Variants in FRY observed in about 807,000 individuals in gnomAD.
FRY encodes the protein FRY microtubule binding protein.
FRY carries 128 observed loss-of-function variants against 348.4 expected under a neutral mutation model. The observed-to-expected ratio is 0.37, with a 90% CI of 0.32 to 0.43. The LOEUF (loss-of-function observed/expected upper bound fraction) is 0.43, where lower values mean the gene tolerates loss of function less well. Among genes scored for constraint, FRY ranks in the 20% least tolerant of loss-of-function variants. The pLI, the probability that FRY is intolerant of heterozygous loss-of-function variation, is 1.00. For synonymous variants in FRY, 1,370 were observed against 1,374.7 expected (o/e 1.00, Z 0.08); for missense variants, 2,736 against 3,695.2 (o/e 0.74, Z 6.73).
At chr13:32,065,619 TAG>T (rs1021624820) in intron 1 of FRY, among the ~76,000 whole-genome samples, 1 of 135,148 alleles carries the variant, frequency 7.4e-6, no homozygotes, top group Non-Finnish European at 1.6e-5. Flanking sequence ...AAAATTTTTT[TAG>T]AGAGAGTCTC....
intron 3 of FRY, among the ~76,000 whole-genome samples, chr13:32,106,837 T>G (rs1279744717): frequency 3.9e-5 from 6 of 152,212 alleles, no homozygotes; most frequent in African/African-American, 1.4e-4. Flanking sequence ...CACTAGATAT[T>G]TAGCCAAAAT....
chr13:32,031,996 TTTCTCTTTCTTTC>T (rs1801928993), intron 1 of FRY, 131 bp downstream of exon 1: 2 of 592,596 alleles, frequency 3.4e-6, no homozygotes, highest in Admixed American at 3.6e-5. Context: ...TTTCTTTTCT[TTTCTCTTTCTTTC>T]TTTCTTTCTT....
chr13:32,252,620 T>C (rs538606168), intron 50 of FRY, among the ~76,000 whole-genome samples: 46 of 152,226 alleles, frequency 3.0e-4, no homozygotes, highest in African/African-American at 1.0e-3. Flanking sequence ...AGAATATTTA[T>C]TATTTATGAA....
intron 7 of FRY, among the ~76,000 whole-genome samples, chr13:32,127,710 C>T (rs1475621812): frequency 5.3e-5 from 8 of 151,776 alleles, no homozygotes; most frequent in Non-Finnish European, 1.0e-4. Flanking sequence ...ACCCGGGAGG[C>T]GGAGGTTGTA....
At chr13:32,277,032 A>G (rs1186884620) in intron 57 of FRY, among the ~76,000 whole-genome samples, 1 of 152,210 alleles carries the variant, frequency 6.6e-6, no homozygotes, top group Admixed American at 6.5e-5. Context: ...ATAGATCTAG[A>G]TCACAAAATG....
intron 46 of FRY, among the ~76,000 whole-genome samples, chr13:32,240,771 G>A (rs565004627): frequency 6.6e-6 from 1 of 152,282 alleles, no homozygotes; most frequent in East Asian, 1.9e-4. Flanking sequence ...GCTATCACTA[G>A]CACCTTTCAG....
chr13:32,240,084 A>C (rs905192958), intron 46 of FRY, among the ~76,000 whole-genome samples: 5 of 152,216 alleles, frequency 3.3e-5, no homozygotes, highest in Non-Finnish European at 5.9e-5. Context: ...TTATTTGCAT[A>C]AAATTGATAA....
intron 3 of FRY, among the ~76,000 whole-genome samples, chr13:32,107,902 G>A (rs1680291143): frequency 6.6e-6 from 1 of 152,198 alleles, no homozygotes. Flanking sequence ...AACAGCATTT[G>A]AAGATGTATA....
chr13:32,147,545 T>G (rs1880534046), intron 12 of FRY, among the ~76,000 whole-genome samples, 160 bp downstream of exon 12: 3 of 152,208 alleles, frequency 2.0e-5, no homozygotes, highest in Non-Finnish European at 1.5e-5. Flanking sequence ...TCCATAGTCA[T>G]TGGCTCAACA....
chr13:32,149,674 A>G, intron 13 of FRY, 74 bp from the exon 14 acceptor site: 1 of 852,536 alleles, frequency 1.2e-6, no homozygotes, highest in Non-Finnish European at 2.0e-6. Flanking sequence ...CTTGGTGCAT[A>G]TTGATGAAAA....
intron 3 of FRY, among the ~76,000 whole-genome samples, chr13:32,103,961 GA>G (rs71674834): frequency 0.12 from 17,925 of 146,748 alleles, 1,111 homozygotes; most frequent in Non-Finnish European, 0.14. Flanking sequence ...ACCGCATCTC[GA>G]AAAAAAAAAA....
rs1016775853 is a variant in FRY at position 32,295,632 on chromosome 13, A to C, written c.*172A>C. 3.1e-6 allele frequency: 2 copies of C among 644,718 alleles called. No individual in the cohort carries two copies. The highest frequency in any genetic ancestry group is 2.4e-5 in the Admixed American group (1 of 40,830). The allele number at this position is 644,718 out of a possible 1,614,324, so 39.9% of individuals were successfully genotyped here. On this transcript the variant is annotated 3_prime_UTR_variant, in exon 61 of 61. Transcript: ENST00000542859. ...AGAACTTCCAACGTGTAGCAATACT[A>C]TAAGAACCAAGGTAGCTTAGAACGT...
rs531626598 is a variant in FRY, at chr13:32,048,473, A to G, written c.70+16608A>G. 2.8e-3 allele frequency among the ~76,000 whole-genome samples: 420 copies of G among 152,330 alleles called. 3 individuals carry two copies. The highest frequency in any genetic ancestry group is 9.7e-3 in the African/African-American group (403 of 41,570). Reference sequence around the variant, plus strand: ...TAGAGTGAAATGATGTTTTATTTGTATAATGATCAGCCAACTTGAGGAAAC... The same window carrying G: ...TAGAGTGAAATGATGTTTTATTTGTGTAATGATCAGCCAACTTGAGGAAAC... On this transcript the variant is annotated intron_variant, in intron 1 of 60. Transcript: ENST00000542859.
intron 53 of FRY, 138 bp downstream of exon 53, chr13:32,262,613 TA>T: frequency 1.4e-6 from 1 of 731,818 alleles, no homozygotes; most frequent in Non-Finnish European, 2.3e-6. Context: ...TTTTTTAAAA[TA>T]ATAGAAGTTT....
chr13:32,245,012 C>T (rs374639991), intron 47 of FRY, among the ~76,000 whole-genome samples: 1 of 152,024 alleles, frequency 6.6e-6, no homozygotes, highest in South Asian at 2.1e-4. Flanking sequence ...TGCAGTGGCA[C>T]AATCTCGGCT....
intron 1 of FRY, among the ~76,000 whole-genome samples, chr13:32,058,383 T>C (rs1873756163): frequency 6.6e-6 from 1 of 152,246 alleles, no homozygotes; most frequent in African/African-American, 2.4e-5. Flanking sequence ...ATTCAGATCA[T>C]CAGTAAATAT....
At chr13:32,188,963 T>C (rs528146704) in intron 28 of FRY, among the ~76,000 whole-genome samples, 13 of 152,236 alleles carry the variant, frequency 8.5e-5, no homozygotes, top group African/African-American at 2.9e-4. Context: ...TTATTGTGTC[T>C]GCTGTTAATC....
At chr13:32,111,304 A>G (rs1255344352) in intron 3 of FRY, among the ~76,000 whole-genome samples, 1 of 152,050 alleles carries the variant, frequency 6.6e-6, no homozygotes, top group East Asian at 1.9e-4. Context: ...CCTGACCAAC[A>G]TGGTGAAACC....
chr13:32,079,269 T>G (rs1875317969), intron 2 of FRY, among the ~76,000 whole-genome samples: 1 of 152,342 alleles, frequency 6.6e-6, no homozygotes, highest in Non-Finnish European at 1.5e-5. Flanking sequence ...CATGCTTCAC[T>G]GCTGCATTTT....
Sources: gnomAD v4.1 joint callset for allele counts (sites outside exome capture counted in the v4.1 genomes callset) on GRCh38, gnomAD v4.1.1 for gene constraint, MANE v1.5 for transcripts, NCBI Gene and HGNC (gene_info 2026-07-23, HGNC 2026-07-21) for gene names.